Variants in DSTYK observed in about 807,000 individuals in gnomAD.
DSTYK encodes RIP-homologous kinase.
In DSTYK, 34 loss-of-function variants were observed where a neutral mutation model predicts 98.7. The observed-to-expected ratio is 0.34, with a 90% CI of 0.26 to 0.46. DSTYK has a LOEUF of 0.46. Among genes scored for constraint, DSTYK ranks in the 20% least tolerant of loss-of-function variants. The pLI, the probability that DSTYK is intolerant of heterozygous loss-of-function variation, is 1.00. For synonymous variants in DSTYK, 462 were observed against 457.3 expected (o/e 1.01, Z -0.13); for missense variants, 962 against 1,181.7 (o/e 0.81, Z 2.73).
intron 2 of DSTYK, among the ~76,000 whole-genome samples, chr1:205,180,186 G>A (rs910681111): frequency 1.4e-5 from 2 of 146,334 alleles, no homozygotes; most frequent in Non-Finnish European, 3.0e-5. Flanking sequence ...GGTATGGTTT[G>A]CTGCACCTAT....
At chr1:205,155,572 C>T (rs756842275) in intron 10 of DSTYK, among the ~76,000 whole-genome samples, 8 of 151,426 alleles carry the variant, frequency 5.3e-5, no homozygotes, top group Non-Finnish European at 8.8e-5. Flanking sequence ...GCAGGAGAAT[C>T]GCTTGAACCT....
At chr1:205,147,856 G>A in intron 12 of DSTYK, 111 bp from the exon 13 acceptor site, 2 of 1,125,762 alleles carry the variant, frequency 1.8e-6, no homozygotes. Flanking sequence ...TACTAAGAAT[G>A]CAAGGAGTTT....
chr1:205,187,882 T>G, intron 1 of DSTYK, 76 bp from the exon 2 acceptor site: 2 of 1,314,358 alleles, frequency 1.5e-6, no homozygotes, highest in Non-Finnish European at 2.1e-6. Context: ...AGAGAGAGAC[T>G]CACGCAGAAA....
At chr1:205,182,526 C>T (rs1326243935) in intron 2 of DSTYK, among the ~76,000 whole-genome samples, 1 of 101,870 alleles carries the variant, frequency 9.8e-6, no homozygotes, top group African/African-American at 3.3e-5. Flanking sequence ...AAAAAAAAGG[C>T]CAGGCGCTGT....
At chr1:205,182,746 C>T (rs887380362) in intron 2 of DSTYK, among the ~76,000 whole-genome samples, 5 of 150,834 alleles carry the variant, frequency 3.3e-5, no homozygotes, top group Non-Finnish European at 7.4e-5. Flanking sequence ...GCAGAGGTTG[C>T]AGCGAGCCGA....
intron 1 of DSTYK, among the ~76,000 whole-genome samples, chr1:205,193,401 A>G (rs1658769314): frequency 1.3e-5 from 2 of 152,212 alleles, no homozygotes; most frequent in African/African-American, 4.8e-5. Context: ...GGCTCAGAAA[A>G]CAATAGCCCA....
intron 1 of DSTYK, among the ~76,000 whole-genome samples, chr1:205,191,254 A>T (rs569308016): frequency 6.6e-6 from 1 of 152,306 alleles, no homozygotes; most frequent in East Asian, 1.9e-4. Context: ...CTCCCACTAA[A>T]TCTTTAGCTT....
intron 2 of DSTYK, among the ~76,000 whole-genome samples, chr1:205,182,603 C>T (rs1356330999): frequency 6.7e-6 from 1 of 148,420 alleles, no homozygotes; most frequent in African/African-American, 2.5e-5. Context: ...GTCAGGAGTT[C>T]GAGACCAGCC....
chr1:205,159,934 T>C, intron 8 of DSTYK, 180 bp downstream of exon 8: 1 of 841,028 alleles, frequency 1.2e-6, no homozygotes, highest in Non-Finnish European at 1.9e-6. Context: ...TCTGAGAAAT[T>C]AGGATGGTGG....
Position 205,150,579 on chromosome 1 carries a change from C to G in DSTYK, c.2467+101G>C. On this transcript the variant is annotated intron_variant, in intron 11 of 12. Coordinates refer to ENST00000367162, the MANE Select transcript of DSTYK (RefSeq NM_015375.3). This position sits in a 1 kb window ranked among gnomAD's most constrained non-coding sequence, Gnocchi z 4.1. Reference sequence around the variant, plus strand: ...GATCTGGTTTCTCCCTTGCCTGTGCCAGACCTGCCAGTAGTGATTGTGGAA... The same window carrying G: ...GATCTGGTTTCTCCCTTGCCTGTGCGAGACCTGCCAGTAGTGATTGTGGAA... The G allele has an allele frequency of 1.1e-6, 1 of 940,244 alleles. No homozygotes were observed. The highest frequency in any genetic ancestry group is 1.7e-6 in the Non-Finnish European group (1 of 602,466). The allele number at this position is 940,244 out of a possible 1,614,324, so 58.2% of individuals were successfully genotyped here. A position where few individuals can be genotyped will look rare whatever the true frequency, so the allele number is the denominator to read the frequency against.
At chr1:205,155,203 C>T (rs896506623) in intron 10 of DSTYK, among the ~76,000 whole-genome samples, 2 of 151,218 alleles carry the variant, frequency 1.3e-5, no homozygotes, top group Admixed American at 6.6e-5. Context: ...AGGCTGGCCT[C>T]GAACTCCTGA....
chr1:205,147,441 C>A lies in DSTYK; in HGVS notation c.*117G>T. The A allele has an allele frequency of 8.5e-7, 1 of 1,180,422 alleles. No individual in the cohort carries two copies. 73.1% of individuals were successfully genotyped at this position (1,180,422 alleles called of 1,614,324 possible). A position where few individuals can be genotyped will look rare whatever the true frequency, so the allele number is the denominator to read the frequency against. On this transcript the variant is annotated 3_prime_UTR_variant, in exon 13 of 13. Transcript: ENST00000367162. ...CCTGGGAAGGTTCCAAGTTTCCCAG[C>A]AAGCACCAGTTCCCTTGGGAGTGTG...
At chr1:205,168,668 C>T (rs1228929840) in intron 3 of DSTYK, among the ~76,000 whole-genome samples, 3 of 152,146 alleles carry the variant, frequency 2.0e-5, no homozygotes, top group African/African-American at 7.2e-5. Context: ...TTGTTAGTAG[C>T]CATTTGTGAA....
At chr1:205,200,123 G>A (rs975713478) in intron 1 of DSTYK, among the ~76,000 whole-genome samples, 3 of 151,566 alleles carry the variant, frequency 2.0e-5, no homozygotes, top group African/African-American at 7.3e-5. Context: ...TGCAAACTTC[G>A]CCTCCTGGGT....
intron 2 of DSTYK, among the ~76,000 whole-genome samples, chr1:205,171,527 C>T (rs540980580): frequency 2.0e-5 from 3 of 150,254 alleles, no homozygotes; most frequent in East Asian, 2.0e-4. Context: ...TCCTTTGCCT[C>T]GTCTGCACTT....
chr1:205,194,609 C>T (rs904855986), intron 1 of DSTYK, among the ~76,000 whole-genome samples: 1 of 150,064 alleles, frequency 6.7e-6, no homozygotes, highest in African/African-American at 2.5e-5. Flanking sequence ...TCTCAAACTC[C>T]TGGGTTCAAG....
At chr1:205,202,958 T>G (rs1558627514) in intron 1 of DSTYK, among the ~76,000 whole-genome samples, 1 of 152,140 alleles carries the variant, frequency 6.6e-6, no homozygotes, top group Non-Finnish European at 1.5e-5. Flanking sequence ...AAAGATTCCC[T>G]GTTCTCTTAA....
chr1:205,206,892 T>A (rs1558629909), intron 1 of DSTYK, among the ~76,000 whole-genome samples: 1 of 151,760 alleles, frequency 6.6e-6, no homozygotes, highest in Non-Finnish European at 1.5e-5. Flanking sequence ...AACATGCACA[T>A]AGATTCACTC....
Position 205,147,378 on chromosome 1 carries a change from C to T in DSTYK, c.*180G>A, listed in dbSNP as rs1200475104. 2 of 526,926 alleles carry T rather than the reference C, an allele frequency of 3.8e-6. No homozygotes were observed. Among genetic ancestry groups the T allele is most frequent in the Non-Finnish European group, 6.5e-6 (2 of 308,740 alleles). The allele number at this position is 526,926 out of a possible 1,614,324, so 32.6% of individuals were successfully genotyped here. A position where few individuals can be genotyped will look rare whatever the true frequency, so the allele number is the denominator to read the frequency against. On this transcript the variant is annotated 3_prime_UTR_variant, in exon 13 of 13. Coordinates refer to ENST00000367162, the MANE Select transcript of DSTYK (RefSeq NM_015375.3). ...GCTTCAGTGAGCTGCTGAATATGCTCAGTCATTCAACTCTTCACTGTCCAG... is the reference window on the plus strand; with the variant it reads ...GCTTCAGTGAGCTGCTGAATATGCTTAGTCATTCAACTCTTCACTGTCCAG...
Sources: allele counts gnomAD v4.1 joint callset (sites outside exome capture counted in the v4.1 genomes callset), GRCh38; gene constraint gnomAD v4.1.1; non-coding constraint Gnocchi (gnomAD v3.1); transcripts MANE v1.5; gene names NCBI Gene and HGNC (gene_info 2026-07-23, HGNC 2026-07-21).